NKAIN2: variants seen among roughly 807,000 people sequenced by gnomAD.
NKAIN2 encodes sodium/potassium-transporting ATPase subunit beta-1-interacting protein 2.
Under a neutral mutation model 32.6 loss-of-function variants are expected in NKAIN2, and 14 were observed. That is an observed-to-expected ratio of 0.43 (90% confidence interval 0.28 to 0.67). NKAIN2 has a LOEUF of 0.67. NKAIN2 is among the 30% of genes least tolerant of loss of function. The pLI is 0.17. For missense variants in NKAIN2, 198 were observed against 258.3 expected (o/e 0.77, Z 1.60); for synonymous variants, 80 against 87.2 (o/e 0.92, Z 0.46).
At chr6:123,913,662 C>A (rs930752316) in intron 1 of NKAIN2, among the ~76,000 whole-genome samples, 1 of 152,090 alleles carries the variant, frequency 6.6e-6, no homozygotes, top group African/African-American at 2.4e-5. Flanking sequence ...GAGGTAGCTT[C>A]TTCTTTCTTT....
chr6:124,332,256 G>A (rs933264653), intron 2 of NKAIN2, among the ~76,000 whole-genome samples: 3 of 151,952 alleles, frequency 2.0e-5, no homozygotes, highest in African/African-American at 4.8e-5. Context: ...CAGAGAGAGA[G>A]AGAGAGAAAG....
At chr6:124,464,479 A>C (rs947084065) in intron 3 of NKAIN2, among the ~76,000 whole-genome samples, 1 of 151,860 alleles carries the variant, frequency 6.6e-6, no homozygotes, top group Non-Finnish European at 1.5e-5. Flanking sequence ...ATGAGAGTAC[A>C]ACTGATGGAC....
chr6:124,532,371 G>C (rs1436725898), intron 3 of NKAIN2, among the ~76,000 whole-genome samples: 1 of 152,176 alleles, frequency 6.6e-6, no homozygotes, highest in Non-Finnish European at 1.5e-5. Flanking sequence ...GAAGCAAGCT[G>C]TGAAAGAAGA....
At chr6:124,050,633 A>G (rs76605698) in intron 1 of NKAIN2, among the ~76,000 whole-genome samples, 3,153 of 152,114 alleles carry the variant, frequency 0.021, 113 homozygotes, top group African/African-American at 0.072. Context: ...TAACTAAGCT[A>G]CAGTACGGTC....
chr6:124,737,924 C>G (rs979820610), intron 4 of NKAIN2, among the ~76,000 whole-genome samples: 1 of 151,866 alleles, frequency 6.6e-6, no homozygotes, highest in African/African-American at 2.4e-5. Flanking sequence ...GAAGAAATTT[C>G]TAAGTGGCAA....
chr6:123,910,497 A>ATGTTTTTTTTTTT (rs1562252502), intron 1 of NKAIN2, among the ~76,000 whole-genome samples: 99 of 97,716 alleles, frequency 1.0e-3, no homozygotes, highest in African/African-American at 3.9e-3. Context: ...CCTGCAATGC[A>ATGTTTTTTTTTTT]TGTTTTTTTT....
chr6:124,818,461 A>G lies in NKAIN2; in HGVS notation c.610A>G (p.Met204Val). Reference protein sequence around the residue: ...QKTSHLQLQPMYMSK With the variant: ...QKTSHLQLQPVYMSK ...GACATCTCATTTACAACTACAGCCT[A>G]TGTACATGTAAGTATTTTACTTGGA... Residue 204 changes from methionine to valine, a missense_variant, in exon 6 of 7, where the codon ATG (methionine) becomes GTG (valine). Transcript: ENST00000368417. 2 of 1,545,234 alleles carry G rather than the reference A, an allele frequency of 1.3e-6. No individual in the cohort carries two copies. The highest frequency in any genetic ancestry group is 8.9e-7 in the Non-Finnish European group (1 of 1,120,000).
At chr6:124,133,888 A>G (rs535859673) in intron 1 of NKAIN2, among the ~76,000 whole-genome samples, 2 of 152,128 alleles carry the variant, frequency 1.3e-5, no homozygotes, top group East Asian at 3.9e-4. Context: ...CCAATTAAAA[A>G]TAAATTCAAG....
rs781079 is a variant in NKAIN2 at position 124,626,092 on chromosome 6, A to G, written c.274-32094A>G. On this transcript the variant is annotated intron_variant, in intron 3 of 6. Transcript: ENST00000368417. The stretch of plus-strand genomic sequence containing the variant: ...ATATCTCCTAATGCTATCCCTCCCC[A>G]CTCCCCACACCCCACAACAGTCCCC... 5.7e-4 allele frequency among the ~76,000 whole-genome samples: 61 copies of G among 106,594 alleles called. 3 individuals carry two copies. The highest frequency in any genetic ancestry group is 9.5e-4 in the Non-Finnish European group (52 of 54,458). The allele number at this position is 106,594 out of a possible 152,430, so 69.9% of individuals were successfully genotyped here. A position where few individuals can be genotyped will look rare whatever the true frequency, so the allele number is the denominator to read the frequency against.
intron 1 of NKAIN2, among the ~76,000 whole-genome samples, chr6:123,855,157 C>T (rs1009442460): frequency 3.3e-5 from 5 of 152,134 alleles, no homozygotes; most frequent in African/African-American, 7.2e-5. Context: ...TGTTGGAAAT[C>T]AGTTCTTTGC....
chr6:123,934,354 A>G (rs1776404209), intron 1 of NKAIN2, among the ~76,000 whole-genome samples: 1 of 151,950 alleles, frequency 6.6e-6, no homozygotes, highest in Non-Finnish European at 1.5e-5. Context: ...TCTCCTTACT[A>G]CTTATGGGAA....
chr6:124,479,308 A>G (rs1436320629), intron 3 of NKAIN2, among the ~76,000 whole-genome samples: 3 of 152,184 alleles, frequency 2.0e-5, no homozygotes, highest in Non-Finnish European at 4.4e-5. Flanking sequence ...TGGGAAACAT[A>G]CCATACCAAT....
At chr6:124,270,528 C>T (rs147553891) in intron 1 of NKAIN2, among the ~76,000 whole-genome samples, 2 of 152,016 alleles carry the variant, frequency 1.3e-5, no homozygotes, top group Non-Finnish European at 2.9e-5. Flanking sequence ...CGAGTTTTTT[C>T]TAGAGAAAGT....
At chr6:124,641,783 C>G (rs188998568) in intron 3 of NKAIN2, among the ~76,000 whole-genome samples, 2 of 151,984 alleles carry the variant, frequency 1.3e-5, no homozygotes, top group East Asian at 3.9e-4. Flanking sequence ...TGGTCTCAAA[C>G]TCCCAAGGTG....
chr6:124,188,740 A>C (rs955466668), intron 1 of NKAIN2, among the ~76,000 whole-genome samples: 13 of 152,142 alleles, frequency 8.5e-5, no homozygotes, highest in African/African-American at 2.9e-4. Flanking sequence ...TAAAGCTCTG[A>C]TATGCTGTGG....
chr6:123,991,296 T>G (rs1456078719), intron 1 of NKAIN2, among the ~76,000 whole-genome samples: 2 of 152,124 alleles, frequency 1.3e-5, no homozygotes, highest in Non-Finnish European at 2.9e-5. Flanking sequence ...TGTTCCACAC[T>G]TTAGAGCTGG....
At chr6:124,628,466 T>A (rs1283074904) in intron 3 of NKAIN2, among the ~76,000 whole-genome samples, 1 of 152,046 alleles carries the variant, frequency 6.6e-6, no homozygotes, top group African/African-American at 2.4e-5. Context: ...AATAGACTCT[T>A]TCAGGTTCCA....
intron 1 of NKAIN2, among the ~76,000 whole-genome samples, chr6:123,958,356 A>C (rs1424846383): frequency 1.3e-5 from 2 of 152,226 alleles, no homozygotes; most frequent in Non-Finnish European, 2.9e-5. Context: ...CCTGTGAGGC[A>C]GGATGCCCCA....
intron 3 of NKAIN2, among the ~76,000 whole-genome samples, chr6:124,630,728 T>C (rs1783531801): frequency 6.6e-6 from 1 of 152,064 alleles, no homozygotes; most frequent in African/African-American, 2.4e-5. Context: ...GGCTCATACA[T>C]CTCTCTTTAT....
Sources: gnomAD v4.1 joint callset for allele counts (sites outside exome capture counted in the v4.1 genomes callset) on GRCh38, gnomAD v4.1.1 for gene constraint, MANE v1.5 for transcripts, NCBI Gene and HGNC (gene_info 2026-07-23, HGNC 2026-07-21) for gene names.